EYA1: variants seen among roughly 807,000 people sequenced by gnomAD.
EYA1 encodes the protein protein phosphatase EYA1.
EYA1 carries 16 observed loss-of-function variants against 82.0 expected under a neutral mutation model. The ratio of observed to expected loss-of-function variants is 0.20; its 90% CI spans 0.13 to 0.30. EYA1 has a LOEUF of 0.30. Ranked by LOEUF, EYA1 falls within the 10% of genes least tolerant of loss-of-function variation. The probability of loss-of-function intolerance (pLI) is 1.00; values close to 1 mark genes in which losing one functional copy is unlikely to be tolerated. For synonymous variants in EYA1, 261 were observed against 264.4 expected (o/e 0.99, Z 0.12); for missense variants, 633 against 730.7 (o/e 0.87, Z 1.54).
intron 17 of EYA1, among the ~76,000 whole-genome samples, chr8:71,201,328 G>T (rs896948383): frequency 6.6e-6 from 1 of 151,790 alleles, no homozygotes; most frequent in Non-Finnish European, 1.5e-5. Flanking sequence ...CATATACCAG[G>T]TGTGACTCTG....
At chr8:71,362,155 CTTTTTT>C (rs35320129), upstream of EYA1, 128 of 824,468 alleles carry the variant, frequency 1.6e-4, no homozygotes, top group South Asian at 3.1e-3. Context: ...TCGGGGCTTT[CTTTTTT>C]TTTTTTTTTT....
At chr8:71,291,812 T>G (rs1178880512) in intron 9 of EYA1, among the ~76,000 whole-genome samples, 1 of 152,180 alleles carries the variant, frequency 6.6e-6, no homozygotes, top group African/African-American at 2.4e-5. Flanking sequence ...ATGGAACAAA[T>G]AGTACCTATC....
Position 71,475,733 on chromosome 8 carries a change from G to A in EYA1, c.33+60011C>T, listed in dbSNP as rs534004200. The stretch of plus-strand genomic sequence containing the variant: ...GTTTGCAACATTGGAATCTAACATC[G>A]AATTAGAGATTGCTGATTTTGTATA... On this transcript the variant is annotated intron_variant, in intron 2 of 18. Transcript: ENST00000643681. Among the ~76,000 whole-genome samples the A allele has an allele frequency of 4.6e-5, 7 of 152,190 alleles. No homozygotes were observed. In the East Asian group the frequency reaches 1.4e-3, roughly 29 times the overall value.
intron 2 of EYA1, among the ~76,000 whole-genome samples, chr8:71,417,443 AT>A (rs1462478291): frequency 6.6e-6 from 1 of 152,174 alleles, no homozygotes; most frequent in Non-Finnish European, 1.5e-5. Flanking sequence ...TTAGAAAGCC[AT>A]TTTTTGCCTA....
At chr8:71,327,001 T>G (rs1235206056) in intron 4 of EYA1, among the ~76,000 whole-genome samples, 1 of 152,236 alleles carries the variant, frequency 6.6e-6, no homozygotes, top group African/African-American at 2.4e-5. Flanking sequence ...CCAACATCTC[T>G]GCTCAGATGC....
rs1278897349 is a variant in EYA1 at position 71,521,637 on chromosome 8, C to CT, written c.33+14106dup. ...AACTTTAAATGGTGAAACAGGGTCTCTTAACATATATTTTTAAACCATCAA... is the reference window on the plus strand; with the variant it reads ...AACTTTAAATGGTGAAACAGGGTCTCTTTAACATATATTTTTAAACCATCAA... On this transcript the variant is annotated intron_variant, in intron 2 of 18. Transcript: ENST00000643681. Among the ~76,000 whole-genome samples the CT allele has an allele frequency of 3.3e-5, 5 of 152,238 alleles. No individual in the cohort carries two copies. In the East Asian group the frequency reaches 7.7e-4, roughly 24 times the overall value.
chr8:71,527,739 C>G (rs1430209258), intron 2 of EYA1, among the ~76,000 whole-genome samples: 1 of 152,188 alleles, frequency 6.6e-6, no homozygotes, highest in African/African-American at 2.4e-5. Flanking sequence ...CTCATTTTAT[C>G]TACATGCATT....
At chr8:71,367,002 A>G (rs1212405916), upstream of EYA1, among the ~76,000 whole-genome samples, 3 of 152,234 alleles carry the variant, frequency 2.0e-5, no homozygotes, top group Non-Finnish European at 2.9e-5. Flanking sequence ...TTCTGAAAAC[A>G]TATTGCAAGT....
At chr8:71,378,081 C>T (rs960135680) in intron 2 of EYA1, among the ~76,000 whole-genome samples, 13 of 152,122 alleles carry the variant, frequency 8.5e-5, no homozygotes, top group African/African-American at 2.9e-4. Flanking sequence ...TCAATAACCA[C>T]AGAGATGCAA....
chr8:71,224,950 G>C (rs150944279), intron 12 of EYA1, among the ~76,000 whole-genome samples: 14 of 152,318 alleles, frequency 9.2e-5, no homozygotes, highest in African/African-American at 3.4e-4. Flanking sequence ...AGTAGTCAAG[G>C]AAGAAGCCAA....
intron 12 of EYA1, among the ~76,000 whole-genome samples, chr8:71,242,537 G>A (rs901015624): frequency 1.9e-4 from 29 of 151,710 alleles, no homozygotes; most frequent in African/African-American, 7.0e-4. Flanking sequence ...TTGAAATTTG[G>A]GTTTACAGAA....
intron 2 of EYA1, among the ~76,000 whole-genome samples, chr8:71,388,942 A>C (rs911349014): frequency 6.6e-6 from 1 of 152,032 alleles, no homozygotes; most frequent in African/African-American, 2.4e-5. Flanking sequence ...GTTCCTACAC[A>C]CAAGTCCCTT....
chr8:71,429,149 C>T lies in EYA1; in HGVS notation c.34-72638G>A, dbSNP rs150029891. Among the ~76,000 whole-genome samples, 725 of 152,246 alleles carry T rather than the reference C, an allele frequency of 4.8e-3. 8 individuals are homozygous for T. The highest frequency in any genetic ancestry group is 0.017 in the African/African-American group (700 of 41,548). On this transcript the variant is annotated intron_variant, in intron 2 of 18. Coordinates refer to the EYA1 transcript ENST00000643681. ...GAATATATAATTTATCCTGAGTCTT[C>T]GTTTTCCAAACATGACCTTTGTTTT...
intron 2 of EYA1, among the ~76,000 whole-genome samples, chr8:71,480,036 T>A (rs1171139298): frequency 6.6e-6 from 1 of 152,138 alleles, no homozygotes; most frequent in Non-Finnish European, 1.5e-5. Flanking sequence ...TGTGGTCACT[T>A]AAATTTTTTA....
At chr8:71,224,176 A>G (rs1810289166) in intron 12 of EYA1, among the ~76,000 whole-genome samples, 1 of 152,240 alleles carries the variant, frequency 6.6e-6, no homozygotes, top group Non-Finnish European at 1.5e-5. Flanking sequence ...GAATAATATG[A>G]AAAAGTTACA....
chr8:71,509,206 G>A lies in EYA1; in HGVS notation c.33+26538C>T, dbSNP rs995699703. The stretch of plus-strand genomic sequence containing the variant: ...ATCACGACACTGCACTGCAGCCTGC[G>A]CAACAAAGAGAGACCCGGTCTCAAA... On this transcript the variant is annotated intron_variant, in intron 2 of 18. Coordinates refer to the EYA1 transcript ENST00000643681. Among the ~76,000 whole-genome samples the A allele has an allele frequency of 5.3e-5, 8 of 152,150 alleles. No homozygotes were observed. In the East Asian group the frequency reaches 5.8e-4, roughly 11 times the overall value.
chr8:71,381,442 C>T lies in EYA1; in HGVS notation c.34-24931G>A, dbSNP rs1828695389. Among the ~76,000 whole-genome samples the T allele has an allele frequency of 2.0e-5, 3 of 151,766 alleles. No homozygotes were observed. In the South Asian group the frequency reaches 6.2e-4, roughly 31 times the overall value. On this transcript the variant is annotated intron_variant, in intron 2 of 18. Transcript: ENST00000643681. ...TGCTCTATGCCAAAAGGAGATGAAA[C>T]GCCGGTGGAAGAAAAAGGAAAGAGG...
intron 2 of EYA1, among the ~76,000 whole-genome samples, chr8:71,419,542 G>A (rs1354614962): frequency 6.6e-6 from 1 of 152,134 alleles, no homozygotes; most frequent in Non-Finnish European, 1.5e-5. Context: ...TGTTGGTGGG[G>A]AATTGGGATG....
At chr8:71,355,642 C>A (rs548200175) in intron 2 of EYA1, among the ~76,000 whole-genome samples, 2 of 152,282 alleles carry the variant, frequency 1.3e-5, no homozygotes, top group Admixed American at 6.5e-5. Context: ...CAAGCATTAG[C>A]ACTCGGAATA....
Sources: gnomAD v4.1 joint callset for allele counts (sites outside exome capture counted in the v4.1 genomes callset) on GRCh38, gnomAD v4.1.1 for gene constraint, MANE v1.5 for transcripts, NCBI Gene and HGNC (gene_info 2026-07-23, HGNC 2026-07-21) for gene names.